CDNF: variants seen among roughly 807,000 people sequenced by gnomAD.
CDNF encodes the protein cerebral dopamine neurotrophic factor.
In CDNF, 9 loss-of-function variants were observed where a neutral mutation model predicts 14.8. That is an observed-to-expected ratio of 0.61 (90% CI 0.37 to 1.06). CDNF has a LOEUF of 1.06. Among genes scored for constraint, CDNF ranks in the 50% least tolerant of loss-of-function variants. CDNF has a pLI of 0.01. For synonymous variants in CDNF, 86 were observed against 87.2 expected (o/e 0.99, Z 0.07); for missense variants, 228 against 228.4 (o/e 1.00, Z 0.01).
intron 3 of CDNF, among the ~76,000 whole-genome samples, chr10:14,823,447 T>A (rs1230486427): frequency 6.6e-6 from 1 of 152,240 alleles, no homozygotes; most frequent in Non-Finnish European, 1.5e-5. Flanking sequence ...CCCTAGGATA[T>A]AGGAGAAGGT....
chr10:14,826,029 G>GAGAAGGAGAAGAAGA (rs1554764000), intron 2 of CDNF, among the ~76,000 whole-genome samples: 82 of 86,198 alleles, frequency 9.5e-4, no homozygotes, highest in African/African-American at 3.8e-3. Flanking sequence ...GAAGAAGAAG[G>GAGAAGGAGAAGAAGA]AGAAGAAGAA....
intron 1 of CDNF, among the ~76,000 whole-genome samples, chr10:14,831,329 C>A (rs994126641): frequency 3.3e-5 from 5 of 152,054 alleles, no homozygotes; most frequent in Admixed American, 1.3e-4. Context: ...ACTCCCACTT[C>A]CACTCTGTGG....
At chr10:14,821,574 T>C (rs1833738619) in intron 3 of CDNF, among the ~76,000 whole-genome samples, 1 of 152,222 alleles carries the variant, frequency 6.6e-6, no homozygotes, top group South Asian at 2.1e-4. Context: ...AGGATTTTAG[T>C]GTCTGAGTAT....
At chr10:14,827,052 C>CAA (rs34308438) in intron 2 of CDNF, among the ~76,000 whole-genome samples, 5,691 of 74,402 alleles carry the variant, frequency 0.076, 329 homozygotes, top group African/African-American at 0.099. Context: ...CCCGTCTCTA[C>CAA]AAAAAAAAAA....
In CDNF at chr10:14,819,966, G is replaced by T; in HGVS notation, c.*14C>A. ...CTCTCTAATTACAAGTCACAAATGT[G>T]CTGGCATTGGAGATCAGAGCTCTGT... On this transcript the variant is annotated 3_prime_UTR_variant, in exon 4 of 4. Transcript: ENST00000465530. 6.2e-7 allele frequency: 1 copy of T among 1,607,946 alleles called. No individual in the cohort carries two copies. The highest frequency in any genetic ancestry group is 8.5e-7 in the Non-Finnish European group (1 of 1,177,138).
chr10:14,837,050 T>C (rs1267835441), intron 1 of CDNF, among the ~76,000 whole-genome samples: 1 of 152,254 alleles, frequency 6.6e-6, no homozygotes, highest in Non-Finnish European at 1.5e-5. Context: ...TCACTAGGGA[T>C]ATATTTTCCA....
chr10:14,819,491 G>C lies in CDNF; in HGVS notation c.*489C>G, dbSNP rs1251705035. 2 of 152,100 alleles carry C rather than the reference G, an allele frequency of 1.3e-5. No homozygotes were observed. Among genetic ancestry groups the C allele is most frequent in the African/African-American group, 2.4e-5 (1 of 41,372 alleles). 9.4% of individuals were successfully genotyped at this position (152,100 alleles called of 1,614,324 possible). On this transcript the variant is annotated 3_prime_UTR_variant, in exon 4 of 4. Transcript: ENST00000465530. ...CGAGTACTCCTGCCTGACCATTTCT[G>C]ATACCAAAGAGAGCTACAATATAGA...
At chr10:14,831,582 AT>A (rs765449342) in intron 1 of CDNF, among the ~76,000 whole-genome samples, 2 of 149,836 alleles carry the variant, frequency 1.3e-5, no homozygotes, top group African/African-American at 4.9e-5. Flanking sequence ...ATATATATAT[AT>A]TTTTTTTCAA....
intron 2 of CDNF, among the ~76,000 whole-genome samples, chr10:14,826,494 G>A (rs1231005615): frequency 2.0e-5 from 3 of 150,200 alleles, no homozygotes; most frequent in Non-Finnish European, 2.9e-5. Context: ...AGAAGAAGAA[G>A]AAGAAGAAAA....
intron 1 of CDNF, among the ~76,000 whole-genome samples, chr10:14,829,511 A>G (rs915038375): frequency 1.3e-5 from 2 of 152,188 alleles, no homozygotes; most frequent in African/African-American, 2.4e-5. Context: ...CATTTCTTCT[A>G]GTTCCTTATA....
rs1564313519 is a variant in CDNF, at chr10:14,826,119, C to CAGCAGCAGCAGA, written c.244-500_244-499insTCTGCTGCTGCT. Among the ~76,000 whole-genome samples the CAGCAGCAGCAGA allele has an allele frequency of 2.4e-3, 280 of 118,380 alleles. 7 individuals carry two copies. Among genetic ancestry groups the CAGCAGCAGCAGA allele is most frequent in the Middle Eastern group, 4.8e-3 (1 of 210 alleles). 77.7% of individuals were successfully genotyped at this position (118,380 alleles called of 152,430 possible). On this transcript the variant is annotated intron_variant, in intron 2 of 3. Coordinates refer to ENST00000465530, the MANE Select transcript of CDNF (RefSeq NM_001029954.3). ...GAAGCAGCAGCAGCAGCAGCAGCAG[C>CAGCAGCAGCAGA]AGCAGAAGCAGGAGAAGGAGAAGGA...
At chr10:14,834,826 C>T (rs1833873815) in intron 1 of CDNF, among the ~76,000 whole-genome samples, 1 of 152,136 alleles carries the variant, frequency 6.6e-6, no homozygotes, top group African/African-American at 2.4e-5. Flanking sequence ...TATGATAGCC[C>T]TGCCAGGGGA....
At chr10:14,826,738 C>A (rs1833799933) in intron 2 of CDNF, among the ~76,000 whole-genome samples, 2 of 152,174 alleles carry the variant, frequency 1.3e-5, no homozygotes, top group Non-Finnish European at 2.9e-5. Flanking sequence ...TGTCTCACAA[C>A]AATCCTGTGA....
Position 14,831,950 on chromosome 10 carries a change from A to G in CDNF, c.116-3678T>C, listed in dbSNP as rs1245012343. On this transcript the variant is annotated intron_variant, in intron 1 of 3. Transcript: ENST00000465530. ...TAGCCAGTTATTCATGTTTTTAACA[A>G]ATATTTACTAAGCGACTAGTAAGTG... Among the ~76,000 whole-genome samples, 4 of 152,176 alleles carry G rather than the reference A, an allele frequency of 2.6e-5. No individual in the cohort carries two copies. The East Asian group carries it at 5.8e-4, about 22-fold the overall frequency.
intron 1 of CDNF, 31 bp downstream of exon 1, chr10:14,837,801 C>T (rs1833906606): frequency 1.4e-6 from 2 of 1,387,922 alleles, no homozygotes; most frequent in Non-Finnish European, 9.9e-7. Context: ...CGCGGGGCCG[C>T]CGCCATGCAA....
chr10:14,822,594 G>A lies in CDNF; in HGVS notation c.386-2436C>T, dbSNP rs181876316. ...GTCAAAAAAAAAAAAAGTGTCTTTTGCCCCTCCCCGCTTGTCCGGTGTTCA... is the reference window on the plus strand; with the variant it reads ...GTCAAAAAAAAAAAAAGTGTCTTTTACCCCTCCCCGCTTGTCCGGTGTTCA... On this transcript the variant is annotated intron_variant, in intron 3 of 3. Transcript: ENST00000465530. Among the ~76,000 whole-genome samples, 191 of 150,580 alleles carry A rather than the reference G, an allele frequency of 1.3e-3. 1 individual carries two copies. The highest frequency in any genetic ancestry group is 4.5e-3 in the African/African-American group (185 of 41,176).
chr10:14,825,107 C>T (rs1833768432), intron 3 of CDNF, among the ~76,000 whole-genome samples: 1 of 152,016 alleles, frequency 6.6e-6, no homozygotes, highest in Admixed American at 6.6e-5. Context: ...CTGCCCGCCA[C>T]CACACCCGGC....
At chr10:14,826,789 C>T (rs1173855904) in intron 2 of CDNF, among the ~76,000 whole-genome samples, 1 of 152,170 alleles carries the variant, frequency 6.6e-6, no homozygotes, top group East Asian at 1.9e-4. Context: ...CCCAAGCCAA[C>T]TGAAGGTCCC....
chr10:14,827,990 A>T (rs541806162), intron 2 of CDNF, among the ~76,000 whole-genome samples, 155 bp downstream of exon 2: 1 of 152,216 alleles, frequency 6.6e-6, no homozygotes, highest in Non-Finnish European at 1.5e-5. Context: ...GCAGAACTAC[A>T]TGTCACTGGA....
Sources: gnomAD v4.1 joint callset for allele counts (sites outside exome capture counted in the v4.1 genomes callset) on GRCh38, gnomAD v4.1.1 for gene constraint, MANE v1.5 for transcripts, NCBI Gene and HGNC (gene_info 2026-07-23, HGNC 2026-07-21) for gene names.